Variants in DOP1A observed in about 807,000 individuals in gnomAD.
The protein encoded by DOP1A is protein DOP1A.
Under a neutral mutation model 267.6 loss-of-function variants are expected in DOP1A, and 90 were observed. The ratio of observed to expected loss-of-function variants is 0.34; its 90% CI spans 0.28 to 0.40. DOP1A has a LOEUF of 0.40. Among genes scored for constraint, DOP1A ranks in the 10% least tolerant of loss-of-function variants. The probability of loss-of-function intolerance (pLI) is 1.00; values close to 1 mark genes in which losing one functional copy is unlikely to be tolerated. For missense variants in DOP1A, 2,437 were observed against 2,900.4 expected (o/e 0.84, Z 3.67); for synonymous variants, 932 against 999.1 (o/e 0.93, Z 1.27).
At chr6:83,088,582 C>A (rs937048170) in intron 1 of DOP1A, among the ~76,000 whole-genome samples, 3 of 151,942 alleles carry the variant, frequency 2.0e-5, no homozygotes, top group Non-Finnish European at 4.4e-5. Flanking sequence ...ACCACCACAC[C>A]CAGCTAATTT....
chr6:83,127,292 C>T (rs1416230915), intron 15 of DOP1A, among the ~76,000 whole-genome samples: 1 of 152,146 alleles, frequency 6.6e-6, no homozygotes, highest in African/African-American at 2.4e-5. Context: ...TAAATTCCTT[C>T]CCAAGGCTAG....
intron 4 of DOP1A, among the ~76,000 whole-genome samples, chr6:83,102,667 T>C (rs1772799390): frequency 6.6e-6 from 1 of 152,244 alleles, no homozygotes. Flanking sequence ...TCTTCTACCC[T>C]GTTCTCCACA....
Position 83,138,812 on chromosome 6 carries a change from T to C in DOP1A, c.4770T>C (p.Ile1590=), listed in dbSNP as rs778388412. The change falls in exon 21 of 39, where the codon ATT becomes ATC. Residue 1590 remains isoleucine, a synonymous_variant. Transcript: ENST00000349129. ...SQLLKVLQRL[I]VLEHRVMTIP... ...TTCTTAAGGTGCTTCAGAGGCTGAT[T>C]GTTCTAGAACACAGAGTAATGACTA... 1.9e-6 allele frequency: 3 copies of C among 1,614,028 alleles called. No individual in the cohort carries two copies. Among genetic ancestry groups the C allele is most frequent in the Non-Finnish European group, 2.5e-6 (3 of 1,179,934 alleles).
At chr6:83,077,686 A>T (rs1312702727) in intron 1 of DOP1A, among the ~76,000 whole-genome samples, 2 of 152,116 alleles carry the variant, frequency 1.3e-5, no homozygotes, top group African/African-American at 4.8e-5. Context: ...AAAAAAATAA[A>T]AAGGACTTTA....
chr6:83,120,534 G>A (rs1175497018), intron 9 of DOP1A, 149 bp from the exon 10 acceptor site: 1 of 485,114 alleles, frequency 2.1e-6, no homozygotes, highest in African/African-American at 2.0e-5. Flanking sequence ...AGCAGAGTAA[G>A]AAGGCCAAGG....
At chr6:83,125,929 G>A (rs1268892942) in intron 15 of DOP1A, among the ~76,000 whole-genome samples, 196 bp downstream of exon 15, 1 of 151,928 alleles carries the variant, frequency 6.6e-6, no homozygotes, top group Admixed American at 6.6e-5. Flanking sequence ...TCCAGTAGAA[G>A]TATCATGTGA....
intron 1 of DOP1A, among the ~76,000 whole-genome samples, chr6:83,088,371 A>AG (rs1769694090): frequency 6.7e-6 from 1 of 149,560 alleles, no homozygotes; most frequent in Non-Finnish European, 1.5e-5. Context: ...GTTTATAATG[A>AG]GTGACAATAA....
intron 38 of DOP1A, chr6:83,166,248 T>C: frequency 1.9e-6 from 1 of 527,550 alleles, no homozygotes; most frequent in Non-Finnish European, 3.3e-6. Flanking sequence ...CAACATTGAG[T>C]TCTTGGGCAG....
intron 37 of DOP1A, among the ~76,000 whole-genome samples, chr6:83,161,699 T>C (rs1455215068): frequency 6.6e-6 from 1 of 152,194 alleles, no homozygotes; most frequent in Non-Finnish European, 1.5e-5. Context: ...TCCTTTTACT[T>C]TTAGTAACAG....
chr6:83,142,010 T>G lies in DOP1A; in HGVS notation c.5505T>G (p.Asn1835Lys), dbSNP rs201264098. 1 of 1,612,830 alleles carries G rather than the reference T, an allele frequency of 6.2e-7. No homozygotes were observed. Among genetic ancestry groups the G allele is most frequent in the Admixed American group, 1.7e-5 (1 of 59,648 alleles). ...TGGCTGCCATTGCATTTGTGTGGAA[T>G]GAAAGAAGACAGAATAAAACAACCA... ...HFMAAIAFVWNERRQNKTTTR... is the reference protein window; with the variant it reads ...HFMAAIAFVWKERRQNKTTTR... Residue 1835 changes from asparagine (N) to lysine (K), a missense_variant, in exon 24 of 39, where the codon AAT becomes AAG. Asn to Lys is a moderately conservative substitution (Grantham distance 94, BLOSUM62 0). Coordinates refer to ENST00000349129, the MANE Select transcript of DOP1A (RefSeq NM_015018.4).
chr6:83,101,895 CTATT>C (rs1364716684), intron 4 of DOP1A, among the ~76,000 whole-genome samples: 1 of 152,154 alleles, frequency 6.6e-6, no homozygotes, highest in Non-Finnish European at 1.5e-5. Context: ...CAGTTAAAAT[CTATT>C]TAGTAAAAAT....
chr6:83,130,245 C>A lies in DOP1A; in HGVS notation c.2464C>A (p.Gln822Lys), dbSNP rs781490326. The change falls in exon 17 of 39, where the codon CAG becomes AAG. Residue 822 changes from glutamine to lysine, a missense_variant. By Grantham distance (53) the Gln-to-Lys change is moderately conservative (BLOSUM62 1). This residue lies in a region of DOP1A where 878 missense variants were observed against 992.9 expected (regional missense o/e 0.88). Coordinates refer to ENST00000349129, the MANE Select transcript of DOP1A (RefSeq NM_015018.4). ...AGTTATGGACCTGGTGGGACTGACA[C>A]AGTCTGTGGCCATGGTCACTGGGGA... ...SLVMDLVGLT[Q>K]SVAMVTGENI... The A allele has an allele frequency of 6.2e-7, 1 of 1,614,024 alleles. No homozygotes were observed. The highest frequency in any genetic ancestry group is 8.5e-7 in the Non-Finnish European group (1 of 1,179,992).
chr6:83,090,941 G>C (rs1475574254), intron 1 of DOP1A, among the ~76,000 whole-genome samples: 1 of 152,008 alleles, frequency 6.6e-6, no homozygotes, highest in East Asian at 1.9e-4. Context: ...TATTGTATTA[G>C]TTTTCATGCT....
intron 24 of DOP1A, among the ~76,000 whole-genome samples, chr6:83,145,110 A>G (rs1341521635): frequency 1.9e-5 from 2 of 105,248 alleles, no homozygotes; most frequent in Non-Finnish European, 3.7e-5. Flanking sequence ...CTCAAAAAAT[A>G]TATACATATA....
intron 9 of DOP1A, 126 bp from the exon 10 acceptor site, chr6:83,120,557 C>T: frequency 1.6e-6 from 1 of 637,120 alleles, no homozygotes. Flanking sequence ...GGTGAAAAGG[C>T]TTCAGAAAAG....
At chr6:83,069,453 T>G (rs1442050425) in intron 1 of DOP1A, among the ~76,000 whole-genome samples, 1 of 152,162 alleles carries the variant, frequency 6.6e-6, no homozygotes, top group African/African-American at 2.4e-5. Flanking sequence ...GGCCAAATGG[T>G]TAACAACTCT....
intron 6 of DOP1A, 140 bp downstream of exon 6, chr6:83,110,454 C>A: frequency 2.5e-6 from 2 of 803,590 alleles, no homozygotes; most frequent in Non-Finnish European, 3.6e-6. Context: ...AATTAAAGGC[C>A]AAAATAATAA....
intron 7 of DOP1A, among the ~76,000 whole-genome samples, chr6:83,114,234 T>C (rs1240043530): frequency 1.3e-5 from 2 of 152,184 alleles, no homozygotes; most frequent in Non-Finnish European, 2.9e-5. Context: ...GAAATATTAA[T>C]AACTAAATAA....
At chr6:83,153,840 A>T in intron 31 of DOP1A, 54 bp from the exon 32 acceptor site, 1 of 1,537,136 alleles carries the variant, frequency 6.5e-7, no homozygotes, top group Non-Finnish European at 8.8e-7. Flanking sequence ...GTATAACTTG[A>T]TAGGATGATT....
Sources: allele counts gnomAD v4.1 joint callset (sites outside exome capture counted in the v4.1 genomes callset), GRCh38; gene constraint gnomAD v4.1.1; regional missense constraint gnomAD v4.1.1; transcripts MANE v1.5; gene names NCBI Gene and HGNC (gene_info 2026-07-23, HGNC 2026-07-21).